E2F3: variants seen among roughly 807,000 people sequenced by gnomAD.
E2F3 encodes the protein transcription factor E2F3.
E2F3 carries 11 observed loss-of-function variants against 44.4 expected under a neutral mutation model. That is an observed-to-expected ratio of 0.25 (90% CI 0.16 to 0.41). E2F3 has a LOEUF of 0.41. Ranked by LOEUF, E2F3 falls within the 10% of genes least tolerant of loss-of-function variation. The pLI is 1.00. For synonymous variants in E2F3, 249 were observed against 253.0 expected (o/e 0.98, Z 0.15); for missense variants, 487 against 583.6 (o/e 0.83, Z 1.70).
intron 1 of E2F3, among the ~76,000 whole-genome samples, chr6:20,440,971 G>A (rs568126699): frequency 2.0e-5 from 3 of 152,262 alleles, no homozygotes; most frequent in Non-Finnish European, 4.4e-5. Context: ...TGGCAGATAA[G>A]GGGAGGCCCA....
Position 20,486,823 on chromosome 6 carries a change from G to A in E2F3, c.999+20G>A, listed in dbSNP as rs145338556. On this transcript the variant is annotated intron_variant, in intron 5 of 6. Transcript: ENST00000346618. Reference sequence around the variant, plus strand: ...ATAGAGGTAAGGAGACAGCGTCTTTGTTCATCTGCAAAGATCTTTGTGGAA... The same window carrying A: ...ATAGAGGTAAGGAGACAGCGTCTTTATTCATCTGCAAAGATCTTTGTGGAA... The A allele has an allele frequency of 7.8e-3, 11,551 of 1,490,134 alleles. 47 individuals are homozygous for A. Among genetic ancestry groups the A allele is most frequent in the Non-Finnish European group, 9.3e-3 (10,011 of 1,079,748 alleles). 92.3% of individuals were successfully genotyped at this position (1,490,134 alleles called of 1,614,324 possible).
intron 4 of E2F3, among the ~76,000 whole-genome samples, chr6:20,485,830 T>C (rs546608805): frequency 7.9e-5 from 12 of 152,240 alleles, no homozygotes; most frequent in Non-Finnish European, 1.5e-4. Flanking sequence ...GAAAACAAGC[T>C]GTCTGCCTGA....
intron 1 of E2F3, among the ~76,000 whole-genome samples, chr6:20,411,834 C>T (rs1275448347): frequency 6.6e-6 from 1 of 152,176 alleles, no homozygotes; most frequent in Non-Finnish European, 1.5e-5. Flanking sequence ...CATGGTCTGC[C>T]TCGTAGCCTA....
chr6:20,469,278 G>A (rs1407400625), intron 1 of E2F3, among the ~76,000 whole-genome samples: 25 of 152,194 alleles, frequency 1.6e-4, no homozygotes, highest in Admixed American at 1.6e-3. Context: ...GGAAATGGAA[G>A]AAGTGAGATG....
Position 20,482,347 on chromosome 6 carries a change from T to G in E2F3, c.726-415T>G, listed in dbSNP as rs1288100939. Among the ~76,000 whole-genome samples, 14 of 150,498 alleles carry G rather than the reference T, an allele frequency of 9.3e-5. No individual in the cohort carries two copies. In the South Asian group the frequency reaches 1.3e-3, roughly 13 times the overall value. On this transcript the variant is annotated intron_variant, in intron 3 of 6. Transcript: ENST00000346618. Reference sequence around the variant, plus strand: ...TTTGGATGGGTTGTTTTTTTGTTTTTTTTTTTTTTTAATTTTGAACCATTC... The same window carrying G: ...TTTGGATGGGTTGTTTTTTTGTTTTGTTTTTTTTTTAATTTTGAACCATTC...
At chr6:20,476,819 G>C (rs1431565512) in intron 1 of E2F3, among the ~76,000 whole-genome samples, 1 of 152,176 alleles carries the variant, frequency 6.6e-6, no homozygotes, top group African/African-American at 2.4e-5. Flanking sequence ...GATAAAGAGT[G>C]AATGTTTGCT....
intron 1 of E2F3, among the ~76,000 whole-genome samples, chr6:20,427,188 T>C (rs1760244219): frequency 2.6e-5 from 4 of 152,216 alleles, no homozygotes; most frequent in Non-Finnish European, 4.4e-5. Flanking sequence ...GATTCCAGCC[T>C]AATAGCATTT....
At chr6:20,462,003 C>T (rs941233561) in intron 1 of E2F3, among the ~76,000 whole-genome samples, 2 of 152,140 alleles carry the variant, frequency 1.3e-5, no homozygotes, top group Non-Finnish European at 2.9e-5. Context: ...TCTCTGACTT[C>T]GTATTTTAAT....
intron 4 of E2F3, 140 bp downstream of exon 4, chr6:20,483,060 T>C: frequency 7.8e-7 from 1 of 1,280,498 alleles, no homozygotes. Flanking sequence ...TGTGTATGTG[T>C]GTGTGTGTGC....
Position 20,490,513 on chromosome 6 carries a change from C to A in E2F3, c.*83C>A. The A allele has an allele frequency of 7.4e-7, 1 of 1,349,766 alleles. No individual in the cohort carries two copies. Among genetic ancestry groups the A allele is most frequent in the Non-Finnish European group, 9.9e-7 (1 of 1,006,148 alleles). The allele number at this position is 1,349,766 out of a possible 1,614,324, so 83.6% of individuals were successfully genotyped here. A position where few individuals can be genotyped will look rare whatever the true frequency, so the allele number is the denominator to read the frequency against. The stretch of plus-strand genomic sequence containing the variant: ...CATCTGTCATGCAGTGTTGTCCCTT[C>A]CTACCTTCTTCCTCCAAGAGAGTAT... On this transcript the variant is annotated 3_prime_UTR_variant, in exon 7 of 7. Transcript: ENST00000346618. This position sits in a 1 kb window ranked among gnomAD's most constrained non-coding sequence, Gnocchi z 4.3.
Position 20,426,032 on chromosome 6 carries a change from A to G in E2F3, c.393+23407A>G, listed in dbSNP as rs888173257. On this transcript the variant is annotated intron_variant, in intron 1 of 6. Coordinates refer to ENST00000346618, the MANE Select transcript of E2F3 (RefSeq NM_001949.5). ...TAATCTCATTTATTAGGAATAGTGT[A>G]TTGATTTTGTGTGTAAAATGGACTA... Among the ~76,000 whole-genome samples the G allele has an allele frequency of 2.5e-4, 38 of 152,228 alleles. 1 individual carries two copies. Among genetic ancestry groups the G allele is most frequent in the Admixed American group, 2.5e-3 (38 of 15,286 alleles).
chr6:20,409,413 A>G (rs1759596031), intron 1 of E2F3, among the ~76,000 whole-genome samples: 2 of 152,238 alleles, frequency 1.3e-5, no homozygotes, highest in African/African-American at 4.8e-5. Flanking sequence ...CTGTGGTTAT[A>G]TCAATTCTGT....
chr6:20,485,630 C>T (rs1762367230), intron 4 of E2F3, among the ~76,000 whole-genome samples: 1 of 152,196 alleles, frequency 6.6e-6, no homozygotes, highest in Admixed American at 6.5e-5. Context: ...ATACTTTTCT[C>T]TTTTCCTAAA....
chr6:20,423,278 C>T (rs1341312056), intron 1 of E2F3, among the ~76,000 whole-genome samples: 1 of 152,208 alleles, frequency 6.6e-6, no homozygotes, highest in Admixed American at 6.5e-5. Flanking sequence ...TAGCCTCTTG[C>T]TCCTAGGCTA....
intron 1 of E2F3, among the ~76,000 whole-genome samples, chr6:20,471,669 A>G (rs545914641): frequency 1.3e-5 from 2 of 152,352 alleles, no homozygotes; most frequent in African/African-American, 4.8e-5. Flanking sequence ...GACAAACCCT[A>G]GAAACAACCT....
intron 1 of E2F3, among the ~76,000 whole-genome samples, chr6:20,403,994 A>AAATG (rs1484954168): frequency 2.0e-5 from 3 of 152,004 alleles, no homozygotes; most frequent in Admixed American, 6.5e-5. Flanking sequence ...CTAACTAAGT[A>AAATG]AATGCCCCGG....
chr6:20,424,210 G>GGTTTGTGTGTGTGT, intron 1 of E2F3, among the ~76,000 whole-genome samples: 1 of 136,996 alleles, frequency 7.3e-6, no homozygotes, highest in South Asian at 2.4e-4. Flanking sequence ...TCAGTGGAAG[G>GGTTTGTGTGTGTGT]GTGTGTGTGT....
At chr6:20,481,543 T>C in intron 3 of E2F3, 118 bp downstream of exon 3, 1 of 881,604 alleles carries the variant, frequency 1.1e-6, no homozygotes, top group South Asian at 1.7e-5. Flanking sequence ...TCTCCTACTG[T>C]TTTCTTCTCT....
chr6:20,458,312 C>T (rs758036007), intron 1 of E2F3, among the ~76,000 whole-genome samples: 117 of 152,008 alleles, frequency 7.7e-4, no homozygotes, highest in Non-Finnish European at 6.6e-4. Context: ...GTCGTTTTGC[C>T]GGGGAGATTT....
Sources: allele counts gnomAD v4.1 joint callset (sites outside exome capture counted in the v4.1 genomes callset), GRCh38; gene constraint gnomAD v4.1.1; non-coding constraint Gnocchi (gnomAD v3.1); transcripts MANE v1.5; gene names NCBI Gene and HGNC (gene_info 2026-07-23, HGNC 2026-07-21).